SPTLC3: variants seen among roughly 807,000 people sequenced by gnomAD.
SPTLC3 encodes serine palmitoyltransferase long chain base subunit 3.
Under a neutral mutation model 59.3 loss-of-function variants are expected in SPTLC3, and 36 were observed. The ratio of observed to expected loss-of-function variants is 0.61; its 90% CI spans 0.47 to 0.80. The LOEUF is 0.80. Ranked by LOEUF, SPTLC3 falls within the 30% of genes least tolerant of loss-of-function variation. SPTLC3 has a pLI of 0.00. For synonymous variants in SPTLC3, 257 were observed against 240.8 expected, an observed-to-expected ratio of 1.07 and a Z score of -0.62; for missense variants, 625 against 685.1, an observed-to-expected ratio of 0.91 and a Z score of 0.98.
intron 9 of SPTLC3, among the ~76,000 whole-genome samples, chr20:13,139,236 TC>T (rs2038323324): frequency 1.3e-5 from 2 of 152,244 alleles, no homozygotes; most frequent in African/African-American, 4.8e-5. Flanking sequence ...AATTTGGGTT[TC>T]TTTTTACAGA....
chr20:13,126,802 C>T, intron 9 of SPTLC3, 85 bp downstream of exon 9: 10 of 1,515,780 alleles, frequency 6.6e-6, no homozygotes, highest in Non-Finnish European at 8.9e-6. Context: ...CAAATACACA[C>T]CTTTATCTTA....
chr20:13,115,602 G>A (rs1416322444), intron 7 of SPTLC3, among the ~76,000 whole-genome samples: 1 of 152,078 alleles, frequency 6.6e-6, no homozygotes, highest in Non-Finnish European at 1.5e-5. Context: ...AGATTTCTGA[G>A]GACCTGCAGC....
intron 3 of SPTLC3, chr20:13,073,937 G>C (rs1189353760): frequency 6.9e-6 from 4 of 583,712 alleles, no homozygotes; most frequent in Admixed American, 1.9e-5. Context: ...ATCATCCAGG[G>C]AGGTGTGGCA....
chr20:13,051,140 A>G (rs949018911), intron 2 of SPTLC3: 1 of 152,252 alleles, frequency 6.6e-6, no homozygotes, highest in African/African-American at 2.4e-5. Flanking sequence ...CTTAAAAGAT[A>G]CAGAACCACA....
intron 10 of SPTLC3, 146 bp downstream of exon 10, chr20:13,154,284 C>G (rs2073303): frequency 0.69 from 673,227 of 972,656 alleles, 234,601 homozygotes; most frequent in South Asian, 0.72. Flanking sequence ...CCACCTGTCA[C>G]TCTATCAGCT....
intron 10 of SPTLC3, 109 bp downstream of exon 10, chr20:13,154,247 G>A: frequency 7.2e-7 from 1 of 1,395,970 alleles, no homozygotes; most frequent in Non-Finnish European, 9.8e-7. Flanking sequence ...AGTGAGTTCA[G>A]AATTCACTCG....
chr20:13,128,132 A>G (rs2038036634), intron 9 of SPTLC3, among the ~76,000 whole-genome samples: 1 of 152,240 alleles, frequency 6.6e-6, no homozygotes, highest in South Asian at 2.1e-4. Flanking sequence ...AAAATATTTA[A>G]CATTGTGTCT....
intron 2 of SPTLC3, chr20:13,049,389 G>A (rs1294004256): frequency 2.8e-6 from 1 of 355,060 alleles, no homozygotes; most frequent in Non-Finnish European, 5.3e-6. Flanking sequence ...TTTAATTTTT[G>A]TAACAACCCC....
intron 2 of SPTLC3, among the ~76,000 whole-genome samples, chr20:13,055,924 G>A (rs1487992012): frequency 6.6e-6 from 1 of 152,116 alleles, no homozygotes; most frequent in African/African-American, 2.4e-5. Flanking sequence ...CCTTTCAAGA[G>A]TCATCTGAGC....
At chr20:13,104,520 A>G (rs1327083959) in intron 6 of SPTLC3, among the ~76,000 whole-genome samples, 1 of 152,050 alleles carries the variant, frequency 6.6e-6, no homozygotes, top group Non-Finnish European at 1.5e-5. Flanking sequence ...ATTAAACCTC[A>G]TTTTCTTTAT....
intron 7 of SPTLC3, among the ~76,000 whole-genome samples, chr20:13,117,147 G>A (rs1990606386): frequency 6.6e-6 from 1 of 152,192 alleles, no homozygotes; most frequent in Non-Finnish European, 1.5e-5. Flanking sequence ...AATGACTATA[G>A]GGTAATTTAA....
chr20:13,168,714 C>T lies in SPTLC3; in HGVS notation c.*3847C>T, dbSNP rs185786152. Reference sequence around the variant, plus strand: ...GATGAAACATTAACTCTTAAATATACATTTTGATTTATAGCAATAATAACA... The same window carrying T: ...GATGAAACATTAACTCTTAAATATATATTTTGATTTATAGCAATAATAACA... On this transcript the variant is annotated 3_prime_UTR_variant, in exon 12 of 12. Coordinates refer to ENST00000399002, the MANE Select transcript of SPTLC3 (RefSeq NM_018327.4). 1 of 152,208 alleles carries T rather than the reference C, an allele frequency of 6.6e-6. No homozygotes were observed. Among genetic ancestry groups the T allele is most frequent in the African/African-American group, 2.4e-5 (1 of 41,540 alleles). The allele number at this position is 152,208 out of a possible 1,614,324, so 9.4% of individuals were successfully genotyped here.
intron 1 of SPTLC3, among the ~76,000 whole-genome samples, chr20:13,037,615 A>G (rs6041789): frequency 0.14 from 21,344 of 152,140 alleles, 2,251 homozygotes; most frequent in African/African-American, 0.3. Context: ...TATGAATGAA[A>G]TGTGAATCTC....
At chr20:13,152,624 A>C (rs148501425) in intron 9 of SPTLC3, among the ~76,000 whole-genome samples, 1 of 152,298 alleles carries the variant, frequency 6.6e-6, no homozygotes, top group Non-Finnish European at 1.5e-5. Flanking sequence ...AGTGGATCTA[A>C]AAGAAAGACT....
chr20:13,072,482 T>A, intron 3 of SPTLC3, 72 bp downstream of exon 3: 1 of 1,425,918 alleles, frequency 7.0e-7, no homozygotes, highest in Non-Finnish European at 9.4e-7. Flanking sequence ...GGCCACTAGA[T>A]GACAAATCCA....
At chr20:13,108,871 T>C (rs942127532) in intron 6 of SPTLC3, among the ~76,000 whole-genome samples, 2 of 152,224 alleles carry the variant, frequency 1.3e-5, no homozygotes, top group African/African-American at 2.4e-5. Context: ...CTGGTGAACA[T>C]TGCATAACAG....
rs557087061 is a variant in SPTLC3 at position 13,151,926 on chromosome 20, C to T, written c.1280-2077C>T. ...CTATGCTAGTGATACCTTACCTAAC[C>T]GCTCACAACATGAGGCTGTCAAACA... On this transcript the variant is annotated intron_variant, in intron 9 of 11. Transcript: ENST00000399002. 5.1e-4 allele frequency among the ~76,000 whole-genome samples: 78 copies of T among 152,158 alleles called. 1 individual carries two copies. Among genetic ancestry groups the T allele is most frequent in the African/African-American group, 1.7e-3 (71 of 41,510 alleles).
chr20:13,135,822 T>G (rs2038228732), intron 9 of SPTLC3, among the ~76,000 whole-genome samples: 2 of 152,232 alleles, frequency 1.3e-5, no homozygotes, highest in African/African-American at 4.8e-5. Context: ...TCATAATGTC[T>G]CTGACTTAAT....
chr20:13,077,192 A>G (rs1177132829), intron 4 of SPTLC3, among the ~76,000 whole-genome samples: 1 of 151,956 alleles, frequency 6.6e-6, no homozygotes. Flanking sequence ...GAGCCAGCAT[A>G]ACCTTGATCT....
Sources: gnomAD v4.1 joint callset for allele counts (sites outside exome capture counted in the v4.1 genomes callset) on GRCh38, gnomAD v4.1.1 for gene constraint, MANE v1.5 for transcripts, NCBI Gene and HGNC (gene_info 2026-07-23, HGNC 2026-07-21) for gene names.